Variants in NXPE2 observed in about 807,000 individuals in gnomAD.
NXPE2 encodes the protein neurexophilin and PC-esterase domain family member 2.
NXPE2 carries 34 observed loss-of-function variants against 34.4 expected under a neutral mutation model. The observed-to-expected ratio is 0.99, with a 90% CI of 0.75 to 1.31. NXPE2 has a LOEUF of 1.31. NXPE2 is among the 40% of genes most tolerant of loss of function. NXPE2 has a pLI of 0.00. For missense variants in NXPE2, 649 were observed against 672.5 expected (o/e 0.97, Z 0.39); for synonymous variants, 235 against 231.3 (o/e 1.02, Z -0.15).
At chr11:114,729,664 T>C in the NXPE2 span, among the ~76,000 whole-genome samples, 1 of 152,164 alleles carries the variant, frequency 6.6e-6, no homozygotes, top group Non-Finnish European at 1.5e-5. Flanking sequence ...TTAGTGATGT[T>C]GGGCATTTTT....
chr11:114,617,714 ACCCAATGCGTAATAAGTATTGCC>A, the NXPE2 span, among the ~76,000 whole-genome samples: 3 of 152,284 alleles, frequency 2.0e-5, no homozygotes, highest in East Asian at 5.8e-4. Flanking sequence ...AACCACTGTT[ACCCAATGCGTAATAAGTATTGCC>A]TCCTTGGTAA....
At chr11:114,601,320 A>G in the NXPE2 span, among the ~76,000 whole-genome samples, 1 of 148,834 alleles carries the variant, frequency 6.7e-6, no homozygotes, top group Non-Finnish European at 1.5e-5. Flanking sequence ...CTTAAATCCC[A>G]CTTATAAGTG....
the NXPE2 span, among the ~76,000 whole-genome samples, chr11:114,753,570 CATT>C: frequency 6.6e-6 from 1 of 152,148 alleles, no homozygotes; most frequent in African/African-American, 2.4e-5. Context: ...TTCATCAAAT[CATT>C]GTAACAAATT....
chr11:114,522,654 C>T, the NXPE2 span: 3 of 738,704 alleles, frequency 4.1e-6, no homozygotes, highest in Middle Eastern at 3.8e-4. Context: ...CCAGTTCATA[C>T]ATGTAAAATG....
At chr11:114,748,722 A>T in the NXPE2 span, among the ~76,000 whole-genome samples, 1 of 152,156 alleles carries the variant, frequency 6.6e-6, no homozygotes. Context: ...CACTTTGGTT[A>T]CTTGAATGAG....
the NXPE2 span, among the ~76,000 whole-genome samples, chr11:114,560,368 C>T: frequency 6.6e-5 from 10 of 151,182 alleles, no homozygotes; most frequent in Non-Finnish European, 1.3e-4. Context: ...ACTCCTGGGC[C>T]CAAGCCATCC....
chr11:114,626,258 G>A, the NXPE2 span, among the ~76,000 whole-genome samples: 1 of 152,198 alleles, frequency 6.6e-6, no homozygotes, highest in Non-Finnish European at 1.5e-5. Flanking sequence ...AGTAACCTCT[G>A]CAGACTTAAA....
intron 2 of NXPE2, among the ~76,000 whole-genome samples, chr11:114,691,831 TG>T (rs11291227): frequency 0.1 from 15,615 of 152,166 alleles, 1,016 homozygotes; most frequent in African/African-American, 0.18. Flanking sequence ...CCAAGGAAAG[TG>T]GGGTCTGCCT....
chr11:114,675,465 A>G (rs1011129821), upstream of NXPE2, among the ~76,000 whole-genome samples: 2 of 151,912 alleles, frequency 1.3e-5, no homozygotes, highest in Non-Finnish European at 2.9e-5. Flanking sequence ...AAGTTGCAGG[A>G]TACAAAATTC....
chr11:114,719,002 A>G, the NXPE2 span, among the ~76,000 whole-genome samples: 1 of 152,216 alleles, frequency 6.6e-6, no homozygotes, highest in African/African-American at 2.4e-5. Flanking sequence ...TTATACTAAC[A>G]TTAGAAGAAA....
At chr11:114,711,949 A>T (rs1859621843), downstream of NXPE2, among the ~76,000 whole-genome samples, 1 of 152,202 alleles carries the variant, frequency 6.6e-6, no homozygotes, top group Non-Finnish European at 1.5e-5. Flanking sequence ...AAACCCTGGC[A>T]TATCTGGCTA....
chr11:114,707,497 C>T (rs559489091), downstream of NXPE2: 168 of 339,428 alleles, frequency 4.9e-4, no homozygotes, highest in Non-Finnish European at 8.7e-4. Context: ...CGGGTTCAAG[C>T]GATTCTCCTG....
At chr11:114,607,885 C>T in the NXPE2 span, among the ~76,000 whole-genome samples, 3 of 146,008 alleles carry the variant, frequency 2.1e-5, no homozygotes, top group East Asian at 4.2e-4. Context: ...ATAGTAAGTA[C>T]TGCCTCGTGG....
chr11:114,530,365 G>T, the NXPE2 span: 1 of 1,614,200 alleles, frequency 6.2e-7, no homozygotes, highest in South Asian at 1.1e-5. Flanking sequence ...GTGAAGACAT[G>T]AGAGGTGCCA....
At chr11:114,513,670 A>T in the NXPE2 span, among the ~76,000 whole-genome samples, 1 of 152,218 alleles carries the variant, frequency 6.6e-6, no homozygotes, top group Non-Finnish European at 1.5e-5. Context: ...ATTCCATAGG[A>T]TGTTAAAAAC....
At chr11:114,594,714 A>G in the NXPE2 span, 1 of 1,602,978 alleles carries the variant, frequency 6.2e-7, no homozygotes, top group Non-Finnish European at 8.5e-7. Flanking sequence ...GCTAATATAA[A>G]CAACAGTGCC....
the NXPE2 span, among the ~76,000 whole-genome samples, chr11:114,549,147 A>C: frequency 2.6e-5 from 4 of 152,162 alleles, no homozygotes; most frequent in African/African-American, 9.6e-5. Context: ...ACTGCTACTG[A>C]ATGCACAAAG....
the NXPE2 span, among the ~76,000 whole-genome samples, chr11:114,492,688 G>A: frequency 6.6e-6 from 1 of 152,038 alleles, no homozygotes; most frequent in Non-Finnish European, 1.5e-5. Flanking sequence ...ACAGGCACCC[G>A]CCAGCATGCC....
chr11:114,534,734 A>T, the NXPE2 span, among the ~76,000 whole-genome samples: 2 of 152,212 alleles, frequency 1.3e-5, no homozygotes. Flanking sequence ...AAGTTTGGAG[A>T]AAAAAGAATA....
Sources: gnomAD v4.1 joint callset for allele counts (sites outside exome capture counted in the v4.1 genomes callset) on GRCh38, gnomAD v4.1.1 for gene constraint, MANE v1.5 for transcripts, NCBI Gene and HGNC (gene_info 2026-07-23, HGNC 2026-07-21) for gene names.